The following NRBP1 variants were observed in gnomAD, a reference collection of about 807,000 sequenced individuals.
NRBP1 encodes nuclear receptor binding protein 1.
In NRBP1, 10 loss-of-function variants were observed where a neutral mutation model predicts 76.0. That is an observed-to-expected ratio of 0.13 (90% CI 0.08 to 0.22). The LOEUF is 0.22. NRBP1 is among the 10% of genes least tolerant of loss of function. The pLI is 1.00. For synonymous variants in NRBP1, 235 were observed against 240.2 expected, an observed-to-expected ratio of 0.98 and a Z score of 0.20; for missense variants, 344 against 646.0, an observed-to-expected ratio of 0.53 and a Z score of 5.07.
chr2:27,437,022 C>T (rs1370036943), intron 8 of NRBP1, 25 bp from the exon 9 acceptor site: 14 of 1,608,518 alleles, frequency 8.7e-6, no homozygotes, highest in Non-Finnish European at 1.0e-5. Flanking sequence ...CTCTGATTAA[C>T]CAAAGCCTTC....
chr2:27,441,449 C>T, intron 16 of NRBP1, 118 bp from the exon 17 acceptor site: 2 of 1,435,660 alleles, frequency 1.4e-6, no homozygotes, highest in African/African-American at 1.4e-5. Flanking sequence ...GAATGACTAT[C>T]TTAGACCCTA....
chr2:27,440,979 G>A (rs1664520673), intron 14 of NRBP1, 39 bp downstream of exon 14: 1 of 1,612,314 alleles, frequency 6.2e-7, no homozygotes, highest in Non-Finnish European at 8.5e-7. Flanking sequence ...CCATGGTTGT[G>A]GTGGAAGGGA....
chr2:27,435,306 A>G (rs2148448545), intron 7 of NRBP1, 79 bp downstream of exon 7: 1 of 1,216,348 alleles, frequency 8.2e-7, no homozygotes, highest in Non-Finnish European at 1.2e-6. Context: ...GGAATGGGGG[A>G]TAACAGAGCA....
In NRBP1 at chr2:27,428,739, C is replaced by A. The variant is rs1489303088; in HGVS notation, c.-21+8C>A. The A allele has an allele frequency of 2.5e-6, 1 of 397,866 alleles. No individual in the cohort carries two copies. Among genetic ancestry groups the A allele is most frequent in the African/African-American group, 2.1e-5 (1 of 48,504 alleles). The allele number at this position is 397,866 out of a possible 1,614,324, so 24.6% of individuals were successfully genotyped here. A position where few individuals can be genotyped will look rare whatever the true frequency, so the allele number is the denominator to read the frequency against. On this transcript the variant is annotated splice_region_variant and intron_variant, in intron 1 of 17. Transcript: ENST00000379852. ...GGGGCGCGGAGTCGGGAGGTGAGCG[C>A]CCAGGGAAAAGAGGGCCCGGGAGGG...
At chr2:27,428,874 G>A in intron 1 of NRBP1, 143 bp downstream of exon 1, 1 of 397,388 alleles carries the variant, frequency 2.5e-6, no homozygotes, top group East Asian at 3.6e-5. Context: ...GGCCCGATCG[G>A]GCCCTGCCTG....
Position 27,440,716 on chromosome 2 carries a change from G to A in NRBP1, c.1193+14G>A. On this transcript the variant is annotated intron_variant, in intron 13 of 17. Coordinates refer to ENST00000379852, the MANE Select transcript of NRBP1 (RefSeq NM_013392.4). Reference sequence around the variant, plus strand: ...TGAAGATGTCAGGTGAGAGCAGAGTGAGAAGCAGGCTTTCTTGAGGAAGCA... The same window carrying A: ...TGAAGATGTCAGGTGAGAGCAGAGTAAGAAGCAGGCTTTCTTGAGGAAGCA... The A allele has an allele frequency of 1.2e-6, 2 of 1,614,190 alleles. No homozygotes were observed. The highest frequency in any genetic ancestry group is 1.7e-6 in the Non-Finnish European group (2 of 1,180,026).
chr2:27,433,855 A>G, intron 3 of NRBP1, 60 bp downstream of exon 3: 3 of 1,612,890 alleles, frequency 1.9e-6, no homozygotes, highest in South Asian at 2.2e-5. Flanking sequence ...TTAGAGAGGA[A>G]TTGGTGTTGG....
At chr2:27,437,189 C>T (rs973799395) in intron 9 of NRBP1, 73 bp from the exon 10 acceptor site, 1 of 1,572,992 alleles carries the variant, frequency 6.4e-7, no homozygotes, top group Non-Finnish European at 8.7e-7. Flanking sequence ...AAGGCGCTGG[C>T]TTGGAGGGAG....
intron 6 of NRBP1, 100 bp downstream of exon 6, chr2:27,434,862 A>C: frequency 1.6e-6 from 2 of 1,243,966 alleles, no homozygotes; most frequent in Middle Eastern, 2.3e-4. Flanking sequence ...GCCTCTCCCC[A>C]CTTTCTTTGA....
At chr2:27,440,364 C>CT in intron 11 of NRBP1, 39 bp from the exon 12 acceptor site, 1 of 1,353,182 alleles carries the variant, frequency 7.4e-7, no homozygotes, top group East Asian at 2.3e-5. Flanking sequence ...TTTAATCTGA[C>CT]TATCCCTTCA....
intron 1 of NRBP1, chr2:27,431,810 A>C (rs1664126345): frequency 6.6e-6 from 1 of 152,194 alleles, no homozygotes; most frequent in Non-Finnish European, 1.5e-5. Context: ...AACATTTTGG[A>C]GTCTGGAGTC....
chr2:27,435,777 C>G (rs913219675), intron 7 of NRBP1: 1 of 717,592 alleles, frequency 1.4e-6, no homozygotes, highest in African/African-American at 1.7e-5. Flanking sequence ...ACTTGGGGCT[C>G]TGTTTGTGCT....
chr2:27,439,995 C>CTTTTTTT (rs70953859), intron 11 of NRBP1, 97 bp downstream of exon 11: 7 of 459,776 alleles, frequency 1.5e-5, no homozygotes, highest in Non-Finnish European at 2.3e-5. Flanking sequence ...CAAAGGGATT[C>CTTTTTTT]TTTTTTTTTT....
At chr2:27,435,398 AG>A (rs376156716) in intron 7 of NRBP1, among the ~76,000 whole-genome samples, 171 bp downstream of exon 7, 29 of 152,230 alleles carry the variant, frequency 1.9e-4, no homozygotes, top group African/African-American at 6.7e-4. Context: ...ATTAGTGGAG[AG>A]GGGGTAGGAT....
At chr2:27,441,227 G>C (rs747162885) in intron 15 of NRBP1, 40 bp from the exon 16 acceptor site, 3 of 1,613,946 alleles carry the variant, frequency 1.9e-6, no homozygotes, top group Non-Finnish European at 2.5e-6. Context: ...CCAGAGGGTA[G>C]GGAAGAAAAG....
At chr2:27,435,379 G>A (rs1664263530) in intron 7 of NRBP1, 152 bp downstream of exon 7, 1 of 638,058 alleles carries the variant, frequency 1.6e-6, no homozygotes, top group African/African-American at 1.8e-5. Flanking sequence ...TAATAGGAGA[G>A]GCCAGTTAAT....
At chr2:27,430,241 C>T (rs751203217) in intron 1 of NRBP1, among the ~76,000 whole-genome samples, 5 of 152,084 alleles carry the variant, frequency 3.3e-5, no homozygotes, top group Non-Finnish European at 5.9e-5. Flanking sequence ...CTCTGTACTG[C>T]CTATTGCTCT....
intron 7 of NRBP1, 54 bp downstream of exon 7, chr2:27,435,281 G>A: frequency 6.7e-7 from 1 of 1,490,752 alleles, no homozygotes; most frequent in Non-Finnish European, 9.3e-7. Flanking sequence ...TGGGAACCAT[G>A]GGGGTAAGAT....
At chr2:27,428,430 C>T, upstream of NRBP1, 1 of 383,360 alleles carries the variant, frequency 2.6e-6, no homozygotes, top group Non-Finnish European at 4.6e-6. Context: ...AGACGAGCCC[C>T]AGCTGGGACC....
Sources: gnomAD v4.1 joint callset for allele counts (sites outside exome capture counted in the v4.1 genomes callset) on GRCh38, gnomAD v4.1.1 for gene constraint, MANE v1.5 for transcripts, NCBI Gene and HGNC (gene_info 2026-07-23, HGNC 2026-07-21) for gene names.